NELL1: variants seen among roughly 807,000 people sequenced by gnomAD.
NELL1 encodes neural EGFL like 1.
NELL1 carries 76 observed loss-of-function variants against 107.4 expected under a neutral mutation model. That is an observed-to-expected ratio of 0.71 (90% CI 0.59 to 0.86). The LOEUF is 0.86. NELL1 is among the 40% of genes least tolerant of loss of function. NELL1 has a pLI of 0.00. For missense variants in NELL1, 1,024 were observed against 1,005.5 expected (o/e 1.02, Z -0.25); for synonymous variants, 353 against 341.2 (o/e 1.03, Z -0.38).
intron 14 of NELL1, among the ~76,000 whole-genome samples, chr11:21,291,705 G>A (rs1433684847): frequency 1.3e-5 from 2 of 152,040 alleles, no homozygotes; most frequent in African/African-American, 4.8e-5. Context: ...AAATCCAGCA[G>A]CACATCAAAA....
intron 15 of NELL1, among the ~76,000 whole-genome samples, chr11:21,524,001 G>C (rs547146388): frequency 6.6e-6 from 1 of 152,064 alleles, no homozygotes; most frequent in South Asian, 2.1e-4. Context: ...CTATACCTTG[G>C]TTGGTAGCAG....
chr11:21,057,929 T>C (rs1368595164), intron 12 of NELL1, among the ~76,000 whole-genome samples: 1 of 152,162 alleles, frequency 6.6e-6, no homozygotes, highest in East Asian at 1.9e-4. Flanking sequence ...TTTCTTATGC[T>C]TTCTCCTATA....
intron 3 of NELL1, among the ~76,000 whole-genome samples, chr11:20,843,521 A>G (rs2134052383): frequency 6.7e-6 from 1 of 149,322 alleles, no homozygotes; most frequent in East Asian, 1.9e-4. Flanking sequence ...ATCCAGCAAT[A>G]ATCACTTTAA....
rs377757280 is a variant in NELL1, at chr11:21,327,372, G to T, written c.1550-43481G>T. On this transcript the variant is annotated intron_variant, in intron 14 of 19. Transcript: ENST00000357134. ...AAAAAAATCTGATGGTTTTATAAGGGGCTTTTCCCCATTTTGCTTGGCACT... is the reference window on the plus strand; with the variant it reads ...AAAAAAATCTGATGGTTTTATAAGGTGCTTTTCCCCATTTTGCTTGGCACT... Among the ~76,000 whole-genome samples the T allele has an allele frequency of 3.3e-3, 503 of 152,074 alleles. 1 individual carries two copies. The highest frequency in any genetic ancestry group is 0.011 in the African/African-American group (456 of 41,470).
intron 9 of NELL1, among the ~76,000 whole-genome samples, chr11:20,929,051 A>G (rs1000724274): frequency 7.2e-5 from 11 of 152,142 alleles, no homozygotes; most frequent in African/African-American, 2.7e-4. Context: ...CTCTTTAGGG[A>G]GGTATTATTA....
chr11:21,284,582 A>G (rs1328997087), intron 14 of NELL1: 2 of 449,642 alleles, frequency 4.4e-6, no homozygotes, highest in Admixed American at 4.7e-5. Flanking sequence ...CCCAGCCCCA[A>G]CAGTTTGATG....
chr11:21,217,848 G>C (rs1223197053), intron 13 of NELL1, among the ~76,000 whole-genome samples: 1 of 152,142 alleles, frequency 6.6e-6, no homozygotes, highest in African/African-American at 2.4e-5. Flanking sequence ...GGTCCTGATT[G>C]GTTTACTAAG....
chr11:21,412,532 A>G (rs570329758), intron 15 of NELL1, among the ~76,000 whole-genome samples: 1 of 152,138 alleles, frequency 6.6e-6, no homozygotes, highest in African/African-American at 2.4e-5. Flanking sequence ...CAAGATTTGA[A>G]CCCATGTTTT....
chr11:21,013,626 C>T (rs962454458), intron 12 of NELL1, among the ~76,000 whole-genome samples: 7 of 152,078 alleles, frequency 4.6e-5, no homozygotes, highest in Non-Finnish European at 8.8e-5. Flanking sequence ...GTTTCAGAGT[C>T]ACAGAAAAAT....
chr11:20,819,595 G>A (rs1857704683), intron 3 of NELL1, among the ~76,000 whole-genome samples: 1 of 152,160 alleles, frequency 6.6e-6, no homozygotes, highest in East Asian at 1.9e-4. Context: ...TTGTCTAAAA[G>A]TTTCAGATGA....
intron 15 of NELL1, among the ~76,000 whole-genome samples, chr11:21,402,373 T>C (rs896891652): frequency 1.3e-5 from 2 of 151,806 alleles, no homozygotes; most frequent in Admixed American, 6.6e-5. Context: ...GACCCACCCA[T>C]AATATTTGCG....
At chr11:21,381,392 A>T (rs1176661070) in intron 15 of NELL1, among the ~76,000 whole-genome samples, 2 of 152,000 alleles carry the variant, frequency 1.3e-5, no homozygotes, top group African/African-American at 4.8e-5. Flanking sequence ...GATCAGATTT[A>T]CTTAACGTTT....
At chr11:21,182,493 A>G (rs1210380450) in intron 13 of NELL1, among the ~76,000 whole-genome samples, 1 of 151,584 alleles carries the variant, frequency 6.6e-6, no homozygotes, top group Non-Finnish European at 1.5e-5. Flanking sequence ...GTAATCAGTC[A>G]TGGTTCAGTC....
At chr11:20,767,201 AAGG>A (rs1856550780) in intron 2 of NELL1, among the ~76,000 whole-genome samples, 1 of 152,158 alleles carries the variant, frequency 6.6e-6, no homozygotes, top group African/African-American at 2.4e-5. Flanking sequence ...ACAGCTCTTA[AAGG>A]TGACATGGAC....
Position 21,134,000 on chromosome 11 carries a change from A to G in NELL1, c.1426+20286A>G, listed in dbSNP as rs565053732. Among the ~76,000 whole-genome samples the G allele has an allele frequency of 5.9e-5, 9 of 152,312 alleles. No homozygotes were observed. In the South Asian group the frequency reaches 1.9e-3, roughly 32 times the overall value. ...TGCAGCTGATGTCTTTGCAGCAACC[A>G]CTTTCAGACAGGCCGCAGCTGCCAT... On this transcript the variant is annotated intron_variant, in intron 13 of 19. Coordinates refer to ENST00000357134, the MANE Select transcript of NELL1 (RefSeq NM_006157.5).
intron 16 of NELL1, among the ~76,000 whole-genome samples, chr11:21,540,963 C>T (rs567570019): frequency 5.3e-4 from 80 of 152,176 alleles, no homozygotes; most frequent in Middle Eastern, 6.8e-3. Flanking sequence ...AAAAATTTCT[C>T]CCCTCTTATT....
chr11:20,754,840 T>C (rs1856223618), intron 2 of NELL1, among the ~76,000 whole-genome samples: 1 of 152,186 alleles, frequency 6.6e-6, no homozygotes, highest in South Asian at 2.1e-4. Context: ...ATTTTCTCTC[T>C]GAAGATTTGT....
At chr11:21,505,301 T>G (rs1482275770) in intron 15 of NELL1, among the ~76,000 whole-genome samples, 1 of 152,144 alleles carries the variant, frequency 6.6e-6, no homozygotes, top group African/African-American at 2.4e-5. Context: ...ATCTATAAAT[T>G]TATCAAAACT....
At chr11:20,712,660 A>G (rs1855142324) in intron 2 of NELL1, among the ~76,000 whole-genome samples, 2 of 152,214 alleles carry the variant, frequency 1.3e-5, no homozygotes, top group Non-Finnish European at 2.9e-5. Flanking sequence ...CTCTTGTCCC[A>G]TGGGGTGATC....
Sources: gnomAD v4.1 joint callset for allele counts (sites outside exome capture counted in the v4.1 genomes callset) on GRCh38, gnomAD v4.1.1 for gene constraint, MANE v1.5 for transcripts, NCBI Gene and HGNC (gene_info 2026-07-23, HGNC 2026-07-21) for gene names.